GPC5: variants seen among roughly 807,000 people sequenced by gnomAD.
GPC5 encodes the protein glypican 5.
GPC5 carries 47 observed loss-of-function variants against 53.9 expected under a neutral mutation model. The observed-to-expected ratio is 0.87, with a 90% CI of 0.69 to 1.11. The LOEUF (loss-of-function observed/expected upper bound fraction) is 1.11. Among genes scored for constraint, GPC5 ranks in the 50% most tolerant of loss-of-function variants. The pLI, the probability that GPC5 is intolerant of heterozygous loss-of-function variation, is 0.00. For missense variants in GPC5, 748 were observed against 713.1 expected (o/e 1.05, Z -0.56); for synonymous variants, 286 against 263.3 (o/e 1.09, Z -0.84).
chr13:92,243,378 T>C (rs1327751568), intron 7 of GPC5, among the ~76,000 whole-genome samples: 2 of 152,144 alleles, frequency 1.3e-5, no homozygotes, highest in Non-Finnish European at 2.9e-5. Context: ...TTTTCTGTTT[T>C]CAAGAAGTAG....
intron 7 of GPC5, among the ~76,000 whole-genome samples, chr13:92,169,686 G>A (rs1257116827): frequency 6.6e-6 from 1 of 152,006 alleles, no homozygotes; most frequent in Non-Finnish European, 1.5e-5. Context: ...GTGTCTATGG[G>A]TATTTTTTCC....
intron 7 of GPC5, among the ~76,000 whole-genome samples, chr13:92,739,717 AAGAAAAAAAAAGAG>A (rs1483200453): frequency 7.1e-6 from 1 of 141,630 alleles, no homozygotes; most frequent in Non-Finnish European, 1.5e-5. Context: ...TAAAAAAAAA[AAGAAAAAAAAAGAG>A]AGAGAGAGAG....
At chr13:92,235,602 AT>A (rs2042563997) in intron 7 of GPC5, among the ~76,000 whole-genome samples, 1 of 152,064 alleles carries the variant, frequency 6.6e-6, no homozygotes, top group African/African-American at 2.4e-5. Flanking sequence ...TTTCTGTCAA[AT>A]ATATGATTGG....
chr13:92,073,579 A>G (rs4415894), intron 6 of GPC5, among the ~76,000 whole-genome samples: 135,583 of 152,256 alleles, frequency 0.89, 60,877 homozygotes, highest in East Asian at 1. Flanking sequence ...CTGCTGCAGG[A>G]TGATGACTTT....
chr13:91,824,648 C>T (rs1382453158), intron 5 of GPC5, among the ~76,000 whole-genome samples: 1 of 151,910 alleles, frequency 6.6e-6, no homozygotes, highest in Admixed American at 6.6e-5. Flanking sequence ...TCAAAAATGC[C>T]TATCTCAGTA....
At chr13:92,660,674 A>G (rs1187184825) in intron 7 of GPC5, among the ~76,000 whole-genome samples, 1 of 151,762 alleles carries the variant, frequency 6.6e-6, no homozygotes, top group Non-Finnish European at 1.5e-5. Flanking sequence ...AATTTAGGCT[A>G]TTTTGCATAT....
At chr13:91,775,721 T>C (rs1490259320) in intron 5 of GPC5, among the ~76,000 whole-genome samples, 1 of 152,200 alleles carries the variant, frequency 6.6e-6, no homozygotes, top group Non-Finnish European at 1.5e-5. Context: ...TTACACTTGA[T>C]GTATGTCCCG....
chr13:92,309,674 T>C (rs1258327420), intron 7 of GPC5, among the ~76,000 whole-genome samples: 3 of 152,270 alleles, frequency 2.0e-5, no homozygotes, highest in East Asian at 3.9e-4. Context: ...GCATACATTG[T>C]AAAATGATTA....
At chr13:91,803,286 T>C (rs1594578571) in intron 5 of GPC5, among the ~76,000 whole-genome samples, 1 of 152,296 alleles carries the variant, frequency 6.6e-6, no homozygotes, top group East Asian at 1.9e-4. Context: ...GACTGTAAAG[T>C]TGTGGTGATG....
intron 7 of GPC5, among the ~76,000 whole-genome samples, chr13:92,432,209 C>A (rs550579164): frequency 1.3e-5 from 2 of 152,314 alleles, no homozygotes; most frequent in South Asian, 4.1e-4. Context: ...TCACCAGAAA[C>A]TGACCATTCT....
intron 5 of GPC5, among the ~76,000 whole-genome samples, chr13:91,877,116 TG>T (rs761328810): frequency 6.6e-6 from 1 of 152,232 alleles, no homozygotes; most frequent in Non-Finnish European, 1.5e-5. Flanking sequence ...TGGAAACTCC[TG>T]GATGCCCAGG....
rs559839232 is a variant in GPC5 at position 91,423,171 on chromosome 13, T to C, written c.163+23962T>C. On this transcript the variant is annotated intron_variant, in intron 1 of 7. Transcript: ENST00000377067. ...AAGGTAGGCTAAATATAAAAACTAT[T>C]CTCAGAAATATAGAAGACACATTAC... is the stretch of plus-strand genomic sequence containing the variant. 2.8e-4 allele frequency among the ~76,000 whole-genome samples: 42 copies of C among 152,248 alleles called. 1 individual carries two copies. The highest frequency in any genetic ancestry group is 9.9e-4 in the African/African-American group (41 of 41,542).
intron 4 of GPC5, among the ~76,000 whole-genome samples, chr13:91,729,763 G>C (rs1043343019): frequency 6.6e-6 from 1 of 152,046 alleles, no homozygotes; most frequent in African/African-American, 2.4e-5. Context: ...ATTTTGTCTA[G>C]GGTGTTTTTA....
chr13:92,637,953 T>C (rs1402791635), intron 7 of GPC5, among the ~76,000 whole-genome samples: 1 of 152,116 alleles, frequency 6.6e-6, no homozygotes, highest in African/African-American at 2.4e-5. Flanking sequence ...GGAAACATCA[T>C]GTCTTAGATG....
chr13:92,285,332 T>A (rs1449610047), intron 7 of GPC5, among the ~76,000 whole-genome samples: 1 of 152,162 alleles, frequency 6.6e-6, no homozygotes, highest in African/African-American at 2.4e-5. Context: ...AATTTATAGA[T>A]TCAATGCCAT....
chr13:91,942,287 C>T (rs57844054), intron 6 of GPC5, among the ~76,000 whole-genome samples: 10,292 of 152,048 alleles, frequency 0.068, 502 homozygotes, highest in African/African-American at 0.13. Flanking sequence ...ACCTTTAATT[C>T]CATAATAGAC....
chr13:92,268,729 G>T (rs573199982), intron 7 of GPC5, among the ~76,000 whole-genome samples: 1 of 151,676 alleles, frequency 6.6e-6, no homozygotes, highest in Non-Finnish European at 1.5e-5. Flanking sequence ...GATTTGGACT[G>T]GAGACAAATA....
intron 7 of GPC5, among the ~76,000 whole-genome samples, chr13:92,825,174 C>A (rs537674199): frequency 6.6e-6 from 1 of 152,184 alleles, no homozygotes; most frequent in South Asian, 2.1e-4. Context: ...AATCACAGCA[C>A]GATCCGTGTG....
chr13:92,330,061 G>C (rs1223816777), intron 7 of GPC5, among the ~76,000 whole-genome samples: 1 of 152,072 alleles, frequency 6.6e-6, no homozygotes, highest in Non-Finnish European at 1.5e-5. Flanking sequence ...TAGTCAGATG[G>C]AGAACTAATG....
Sources: gnomAD v4.1 joint callset for allele counts (sites outside exome capture counted in the v4.1 genomes callset) on GRCh38, gnomAD v4.1.1 for gene constraint, MANE v1.5 for transcripts, NCBI Gene and HGNC (gene_info 2026-07-23, HGNC 2026-07-21) for gene names.